SELENON: variants seen among roughly 807,000 people sequenced by gnomAD.
SELENON encodes the protein selenoprotein N, also known as selenoprotein N, 1.
Under a neutral mutation model 59.5 loss-of-function variants are expected in SELENON, and 44 were observed. The ratio of observed to expected loss-of-function variants is 0.74; its 90% confidence interval spans 0.58 to 0.95. The LOEUF is 0.95. Among genes scored for constraint, SELENON ranks in the 40% least tolerant of loss-of-function variants. SELENON has a pLI of 0.00. For missense variants in SELENON, 674 were observed against 721.4 expected, an observed-to-expected ratio of 0.93 and a Z score of 0.75; for synonymous variants, 320 against 305.6, an observed-to-expected ratio of 1.05 and a Z score of -0.49.
intron 4 of SELENON, among the ~76,000 whole-genome samples, chr1:25,805,895 G>A (rs1470484652): frequency 6.6e-6 from 1 of 152,162 alleles, no homozygotes; most frequent in Non-Finnish European, 1.5e-5. Flanking sequence ...ATTGCAGGAT[G>A]AAGCTGCCTC....
chr1:25,811,070 G>C (rs769615857), intron 7 of SELENON, among the ~76,000 whole-genome samples: 56 of 152,200 alleles, frequency 3.7e-4, no homozygotes, highest in Non-Finnish European at 6.8e-4. Context: ...CCTGCTGCCC[G>C]CCAGAGGCCT....
intron 7 of SELENON, among the ~76,000 whole-genome samples, chr1:25,810,480 C>G (rs187328664): frequency 6.6e-6 from 1 of 152,190 alleles, no homozygotes; most frequent in Non-Finnish European, 1.5e-5. Flanking sequence ...CCTGAGTGAC[C>G]GCTCTACAGG....
chr1:25,807,906 G>A lies in SELENON; in HGVS notation c.538-674G>A, dbSNP rs1172850829. On this transcript the variant is annotated intron_variant, in intron 4 of 12. Coordinates refer to ENST00000361547, the MANE Select transcript of SELENON (RefSeq NM_020451.3). This position sits in a 1 kb window ranked among gnomAD's most constrained non-coding sequence, Gnocchi z 4.5. Reference sequence around the variant, plus strand: ...GGTCACCGATGAGGACTCGGGCTTAGGGAAGGCCTTTTGCCCAGGGTGGGG... The same window carrying A: ...GGTCACCGATGAGGACTCGGGCTTAAGGAAGGCCTTTTGCCCAGGGTGGGG... 1.3e-5 allele frequency among the ~76,000 whole-genome samples: 2 copies of A among 152,238 alleles called. No homozygotes were observed. Among genetic ancestry groups the A allele is most frequent in the Non-Finnish European group, 2.9e-5 (2 of 68,040 alleles).
chr1:25,811,235 G>A (rs930797159), intron 7 of SELENON, among the ~76,000 whole-genome samples: 1 of 152,252 alleles, frequency 6.6e-6, no homozygotes, highest in African/African-American at 2.4e-5. Flanking sequence ...CTGGCGGATG[G>A]TGAAGTGGCT....
intron 3 of SELENON, among the ~76,000 whole-genome samples, chr1:25,803,224 G>C (rs1487515596): frequency 6.6e-6 from 1 of 152,206 alleles, no homozygotes; most frequent in Non-Finnish European, 1.5e-5. Context: ...TTTGTGGCCA[G>C]AGTGAGAGTT....
At position 25,813,905 on chromosome 1, in the gene SELENON, C is replaced by G. The variant is rs1379141522; in HGVS notation, c.1412C>G (p.Thr471Ser). The G allele has an allele frequency of 6.2e-7, 1 of 1,614,016 alleles. No individual in the cohort carries two copies. Among genetic ancestry groups the G allele is most frequent in the Admixed American group, 1.7e-5 (1 of 60,014 alleles). ...GGTTCAGGGCGGACTCTCCGGGAGA[C>G]TGTCCTGGAAAGTTCGCCCATCCTC... Residue 471 changes from threonine (T) to serine (S), a missense_variant, in exon 11 of 13, where the codon ACT (threonine) becomes AGT (serine). Thr to Ser is a moderately conservative substitution (Grantham distance 58). Transcript: ENST00000361547.
intron 4 of SELENON, among the ~76,000 whole-genome samples, chr1:25,806,692 G>A (rs2047910023): frequency 6.6e-6 from 1 of 152,144 alleles, no homozygotes; most frequent in South Asian, 2.1e-4. Context: ...CAGCCCCTTG[G>A]CAGTGCCCAA....
At chr1:25,815,317 G>T (rs1294890367) in intron 12 of SELENON, among the ~76,000 whole-genome samples, 1 of 152,032 alleles carries the variant, frequency 6.6e-6, no homozygotes, top group Non-Finnish European at 1.5e-5. Flanking sequence ...GGAAGGTGTT[G>T]GGTTTTCACT....
Position 25,816,116 on chromosome 1 carries a change from C to T in SELENON, c.*398C>T, listed in dbSNP as rs576360802. On this transcript the variant is annotated 3_prime_UTR_variant, in exon 13 of 13. Transcript: ENST00000361547. ...GGGGCCACCACCCTCTCCTTGCTTT[C>T]AGCCCTTCCCACAGGAAACATCAAG... The T allele has an allele frequency of 5.8e-6, 1 of 172,338 alleles. No homozygotes were observed. Among genetic ancestry groups the T allele is most frequent in the Non-Finnish European group, 1.2e-5 (1 of 80,164 alleles). The allele number at this position is 172,338 out of a possible 1,614,324, so 10.7% of individuals were successfully genotyped here. A position where few individuals can be genotyped will look rare whatever the true frequency, so the allele number is the denominator to read the frequency against.
chr1:25,809,443 C>T (rs1056425304), intron 6 of SELENON, among the ~76,000 whole-genome samples: 1 of 152,242 alleles, frequency 6.6e-6, no homozygotes, highest in Non-Finnish European at 1.5e-5. Flanking sequence ...CCCAGTCACA[C>T]ATGCCCTCCA....
Position 25,809,119 on chromosome 1 carries a change from A to G in SELENON, c.841A>G (p.Ile281Val). ...GGGAGCTGTGGCCTGCCTGACTGCC[A>G]TCAGCGACTTCTACTACACTGTGAT... is the stretch of plus-strand genomic sequence containing the variant. Residue 281 changes from isoleucine (I) to valine (V), a missense_variant, in exon 6 of 13, where the codon ATC (isoleucine) becomes GTC (valine). Coordinates refer to ENST00000361547, the MANE Select transcript of SELENON (RefSeq NM_020451.3). 6.2e-7 allele frequency: 1 copy of G among 1,613,814 alleles called. No individual in the cohort carries two copies. The highest frequency in any genetic ancestry group is 8.5e-7 in the Non-Finnish European group (1 of 1,180,028).
intron 9 of SELENON, 49 bp downstream of exon 8, chr1:25,811,928 G>T: frequency 6.5e-7 from 1 of 1,532,626 alleles, no homozygotes; most frequent in East Asian, 2.4e-5. Flanking sequence ...ATGGGCAGAG[G>T]CTGGGAGCTG....
intron 6 of SELENON, among the ~76,000 whole-genome samples, chr1:25,809,449 C>A (rs774446520): frequency 1.6e-4 from 24 of 152,352 alleles, no homozygotes; most frequent in African/African-American, 5.8e-4. Flanking sequence ...CACACATGCC[C>A]TCCAGAAGCT....
rs1553120662 is a variant in SELENON at position 25,812,604 on chromosome 1, C to CACA, written c.1282-81_1282-80insAAC. The CACA allele has an allele frequency of 1.1e-5, 10 of 883,230 alleles. No individual in the cohort carries two copies. The East Asian group carries it at 1.3e-4, about 12-fold the overall frequency. 54.7% of individuals were successfully genotyped at this position (883,230 alleles called of 1,614,324 possible). A position where few individuals can be genotyped will look rare whatever the true frequency, so the allele number is the denominator to read the frequency against. On this transcript the variant is annotated intron_variant, in intron 9 of 12. Coordinates refer to ENST00000361547, the MANE Select transcript of SELENON (RefSeq NM_020451.3). ...ACACACACACACACACACACACACA[C>CACA]ACTTGCACACACTACAGACTCAGCC...
In SELENON at chr1:25,814,197, A is replaced by C. The variant is rs963122288; in HGVS notation, c.1602+19A>C. 6.2e-7 allele frequency: 1 copy of C among 1,606,512 alleles called. No homozygotes were observed. Among genetic ancestry groups the C allele is most frequent in the African/African-American group, 1.3e-5 (1 of 74,716 alleles). ...CACCGTGGTAGGCACCCCCACTCAG[A>C]CCCCACAGGGCCCAGGCACCTCGGG... On this transcript the variant is annotated intron_variant, in intron 12 of 12. Coordinates refer to ENST00000361547, the MANE Select transcript of SELENON (RefSeq NM_020451.3).
chr1:25,813,815 T>C (rs2047986825), intron 10 of SELENON, 66 bp from the exon 10 acceptor site: 2 of 1,228,684 alleles, frequency 1.6e-6, no homozygotes, highest in Non-Finnish European at 2.4e-6. Context: ...CCGTGAGGTC[T>C]CCCCAAAGCA....
intron 1 of SELENON, 47 bp from the exon 2 acceptor site, chr1:25,800,996 G>A: frequency 6.6e-7 from 1 of 1,510,694 alleles, no homozygotes; most frequent in South Asian, 1.1e-5. Context: ...GGGACCAGGA[G>A]ACCAGGCCGC....
At chr1:25,815,506 G>A (rs1446869252) in intron 12 of SELENON, 42 bp from the exon 12 acceptor site, 1 of 1,600,362 alleles carries the variant, frequency 6.2e-7, no homozygotes, top group East Asian at 2.2e-5. Context: ...GAGCCTGGGG[G>A]CCCCCCTCCG....
chr1:25,813,817 C>T (rs1462996284), intron 10 of SELENON, 64 bp from the exon 10 acceptor site: 3 of 1,310,266 alleles, frequency 2.3e-6, no homozygotes, highest in African/African-American at 1.4e-5. Flanking sequence ...GTGAGGTCTC[C>T]CCAAAGCAAG....
Sources: gnomAD v4.1 joint callset for allele counts (sites outside exome capture counted in the v4.1 genomes callset) on GRCh38, gnomAD v4.1.1 for gene constraint, Gnocchi (gnomAD v3.1) non-coding constraint, MANE v1.5 for transcripts, NCBI Gene and HGNC (gene_info 2026-07-23, HGNC 2026-07-21) for gene names.